The following CDH6 variants were observed in gnomAD, a reference collection of about 807,000 sequenced individuals.
CDH6 encodes cadherin-6.
A neutral mutation model predicts 78.0 loss-of-function variants in CDH6; 31 were observed. The ratio of observed to expected loss-of-function variants is 0.40; its 90% CI spans 0.30 to 0.54. The LOEUF is 0.54. CDH6 is among the 20% of genes least tolerant of loss of function. The probability of loss-of-function intolerance (pLI) is 0.56; values close to 1 mark genes in which losing one functional copy is unlikely to be tolerated. For synonymous variants in CDH6, 376 were observed against 368.8 expected (o/e 1.02, Z -0.23); for missense variants, 724 against 975.9 (o/e 0.74, Z 3.44).
chr5:31,202,660 CACAT>C (rs1740388252), intron 1 of CDH6, among the ~76,000 whole-genome samples: 1 of 121,572 alleles, frequency 8.2e-6, no homozygotes, highest in Admixed American at 8.6e-5. Context: ...TATATACACA[CACAT>C]ATATATATAT....
intron 2 of CDH6, among the ~76,000 whole-genome samples, chr5:31,293,603 G>A (rs1737479228): frequency 6.6e-6 from 1 of 152,128 alleles, no homozygotes; most frequent in African/African-American, 2.4e-5. Context: ...AGTGGAATGT[G>A]AAAGCTGTAG....
At chr5:31,209,881 C>T (rs188108647) in intron 1 of CDH6, among the ~76,000 whole-genome samples, 41 of 152,078 alleles carry the variant, frequency 2.7e-4, no homozygotes, top group African/African-American at 8.7e-4. Context: ...GGAGCTACAC[C>T]CTTCCATATT....
chr5:31,235,604 A>C (rs1367277126), intron 1 of CDH6, among the ~76,000 whole-genome samples: 1 of 152,200 alleles, frequency 6.6e-6, no homozygotes, highest in Non-Finnish European at 1.5e-5. Flanking sequence ...GACTTACTAC[A>C]CAAACCCTTT....
intron 1 of CDH6, among the ~76,000 whole-genome samples, chr5:31,195,492 G>GA (rs915027780): frequency 1.3e-5 from 2 of 151,988 alleles, no homozygotes; most frequent in Admixed American, 6.6e-5. Flanking sequence ...TTGAGAGAGA[G>GA]AAAAAAAATC....
intron 2 of CDH6, among the ~76,000 whole-genome samples, chr5:31,276,269 G>A (rs1352812083): frequency 1.5e-4 from 23 of 152,094 alleles, no homozygotes; most frequent in Admixed American, 1.3e-3. Flanking sequence ...AAAGTAATGG[G>A]TATTCTCAAA....
intron 9 of CDH6, 66 bp downstream of exon 9, chr5:31,316,395 G>C (rs1237030594): frequency 7.2e-7 from 1 of 1,392,500 alleles, no homozygotes; most frequent in South Asian, 1.3e-5. Flanking sequence ...TTATCATTCA[G>C]ATGATTCACA....
At position 31,302,963 on chromosome 5, in the gene CDH6, GA is replaced by G. The variant is rs1405093196; in HGVS notation, c.999+669del. Reference sequence around the variant, plus strand: ...AGAAAGAAAGAAAGAAAGAAGGAAAGAAAAGAAAGAAAGAAAGAAAGAAAAC... The same window carrying G: ...AGAAAGAAAGAAAGAAAGAAGGAAAGAAAGAAAGAAAGAAAGAAAGAAAAC... On this transcript the variant is annotated intron_variant, in intron 6 of 11. Coordinates refer to ENST00000265071, the MANE Select transcript of CDH6 (RefSeq NM_004932.4). Among the ~76,000 whole-genome samples the G allele has an allele frequency of 1.5e-3, 121 of 81,854 alleles. 5 individuals carry two copies. Among genetic ancestry groups the G allele is most frequent in the East Asian group, 4.4e-3 (10 of 2,296 alleles). 53.7% of individuals were successfully genotyped at this position (81,854 alleles called of 152,430 possible). A position where few individuals can be genotyped will look rare whatever the true frequency, so the allele number is the denominator to read the frequency against.
intron 1 of CDH6, among the ~76,000 whole-genome samples, chr5:31,212,041 C>T (rs1011524708): frequency 2.0e-5 from 3 of 152,060 alleles, no homozygotes; most frequent in African/African-American, 4.8e-5. Context: ...TTTTGTATGA[C>T]GAATGAATCC....
At chr5:31,317,996 T>G in intron 11 of CDH6, 72 bp downstream of exon 11, 1 of 1,552,852 alleles carries the variant, frequency 6.4e-7, no homozygotes, top group Non-Finnish European at 8.8e-7. Flanking sequence ...CACTCTAGAT[T>G]TATCTGCCTC....
At chr5:31,286,309 T>C (rs1743010993) in intron 2 of CDH6, among the ~76,000 whole-genome samples, 1 of 151,932 alleles carries the variant, frequency 6.6e-6, no homozygotes, top group South Asian at 2.1e-4. Flanking sequence ...GATGGCTAAG[T>C]GGGGAATGAA....
At chr5:31,201,307 T>C (rs1740342440) in intron 1 of CDH6, among the ~76,000 whole-genome samples, 1 of 152,142 alleles carries the variant, frequency 6.6e-6, no homozygotes. Context: ...GGGAGACATA[T>C]GATAAGGTTT....
chr5:31,230,144 A>C (rs939002835), intron 1 of CDH6, among the ~76,000 whole-genome samples: 37 of 152,184 alleles, frequency 2.4e-4, no homozygotes, highest in Non-Finnish European at 4.6e-4. Context: ...CTGAAGTCCC[A>C]ATTTAGACAC....
At chr5:31,229,355 T>A (rs546980748) in intron 1 of CDH6, among the ~76,000 whole-genome samples, 1 of 152,274 alleles carries the variant, frequency 6.6e-6, no homozygotes, top group South Asian at 2.1e-4. Flanking sequence ...CAAAATAGAT[T>A]GGAGGGTAGG....
At chr5:31,228,890 A>G (rs184698968) in intron 1 of CDH6, among the ~76,000 whole-genome samples, 25 of 152,298 alleles carry the variant, frequency 1.6e-4, no homozygotes, top group Admixed American at 1.4e-3. Context: ...GATCTTAGGC[A>G]TGTTATTTGA....
At chr5:31,284,832 G>A (rs142930976) in intron 2 of CDH6, among the ~76,000 whole-genome samples, 327 of 152,308 alleles carry the variant, frequency 2.1e-3, no homozygotes, top group African/African-American at 7.4e-3. Context: ...ACTATCCTTG[G>A]CTCCAAAAGC....
intron 1 of CDH6, among the ~76,000 whole-genome samples, chr5:31,207,967 G>A (rs917195536): frequency 2.6e-5 from 4 of 152,282 alleles, no homozygotes; most frequent in African/African-American, 9.6e-5. Context: ...GGGGTCAAAG[G>A]AATGAGAAAA....
intron 2 of CDH6, among the ~76,000 whole-genome samples, chr5:31,280,623 A>G (rs944071320): frequency 1.4e-4 from 21 of 152,122 alleles, no homozygotes; most frequent in Non-Finnish European, 5.9e-5. Flanking sequence ...AAACAATGAC[A>G]TACGTGGGAG....
chr5:31,256,090 C>T (rs1406412973), intron 1 of CDH6, among the ~76,000 whole-genome samples: 1 of 152,096 alleles, frequency 6.6e-6, no homozygotes, highest in Non-Finnish European at 1.5e-5. Flanking sequence ...ATTCATTTGG[C>T]CTGTAATGCA....
chr5:31,197,875 T>G (rs1740213000), intron 1 of CDH6, among the ~76,000 whole-genome samples: 1 of 152,190 alleles, frequency 6.6e-6, no homozygotes, highest in African/African-American at 2.4e-5. Context: ...TTCCAAAGAT[T>G]AACTGGTCTA....
Sources: allele counts gnomAD v4.1 joint callset (sites outside exome capture counted in the v4.1 genomes callset), GRCh38; gene constraint gnomAD v4.1.1; transcripts MANE v1.5; gene names NCBI Gene and HGNC (gene_info 2026-07-23, HGNC 2026-07-21).